The following RDH12 variants were observed in gnomAD, a reference collection of about 807,000 sequenced individuals.
The protein encoded by RDH12 is all-trans and 9-cis retinol dehydrogenase.
Under a neutral mutation model 34.0 loss-of-function variants are expected in RDH12, and 21 were observed. The observed-to-expected ratio is 0.62, with a 90% CI of 0.44 to 0.89. The LOEUF (loss-of-function observed/expected upper bound fraction) is 0.89, where lower values mean the gene tolerates loss of function less well. RDH12 is among the 40% of genes least tolerant of loss of function. The pLI is 0.00. For synonymous variants in RDH12, 198 were observed against 169.9 expected, an observed-to-expected ratio of 1.17 and a Z score of -1.29; for missense variants, 394 against 398.6, an observed-to-expected ratio of 0.99 and a Z score of 0.10.
Position 67,726,134 on chromosome 14 carries a change from C to T in RDH12, c.427C>T (p.His143Tyr), listed in dbSNP as rs879431892. 3 of 1,611,768 alleles carry T rather than the reference C, an allele frequency of 1.9e-6. No individual in the cohort carries two copies. Among genetic ancestry groups the T allele is most frequent in the Non-Finnish European group, 2.5e-6 (3 of 1,177,862 alleles). ...CAAGACAGCTGATGGCTTTGAAACC[C>T]ACCTGGGAGTCAACCACCTGGGTAA... ...YSKTADGFET[H>Y]LGVNHLGHFL... Residue 143 changes from histidine to tyrosine, a missense_variant, in exon 6 of 9, where the codon CAC (histidine) becomes TAC (tyrosine). By Grantham distance (83) the His-to-Tyr change is moderately conservative. Coordinates refer to ENST00000551171, the MANE Select transcript of RDH12 (RefSeq NM_152443.3).
chr14:67,725,169 T>C lies in RDH12; in HGVS notation c.258T>C (p.Asp86=), dbSNP rs548114604. ...GESAASEIRV[D]TKNSQVLVRK... is the part of the protein sequence containing the mutation. ...CTGCTGCCAGTGAAATCCGAGTGGA[T>C]ACAAAGAACTCCCAGGTGCTGGTGC... The change falls in exon 5 of 9, where the codon GAT becomes GAC. Residue 86 remains aspartate, a synonymous_variant. Transcript: ENST00000551171. The C allele has an allele frequency of 6.2e-7, 1 of 1,614,156 alleles. No homozygotes were observed. Among genetic ancestry groups the C allele is most frequent in the African/African-American group, 1.3e-5 (1 of 75,040 alleles).
At position 67,724,506 on chromosome 14, in the gene RDH12, T is replaced by C; in HGVS notation, c.102T>C (p.Asn34=). 4 of 1,612,734 alleles carry C rather than the reference T, an allele frequency of 2.5e-6. No homozygotes were observed. In the South Asian group the frequency reaches 3.3e-5, roughly 13 times the overall value. Residue 34 remains asparagine, a synonymous_variant, in exon 4 of 9, where the codon AAT becomes AAC. Coordinates refer to ENST00000551171, the MANE Select transcript of RDH12 (RefSeq NM_152443.3). ...TTGCTGGTGGAGTGTGTAGAACAAA[T>C]GTGCAGCTTCCTGGCAAGGTAGTGG... ...KFFAGGVCRT[N]VQLPGKVVVI...
chr14:67,726,910 C>T (rs750204850), intron 6 of RDH12, 71 bp from the exon 7 acceptor site: 50 of 1,395,702 alleles, frequency 3.6e-5, no homozygotes, highest in Non-Finnish European at 4.8e-5. Context: ...CACTGAAGTC[C>T]TCTTGGCTCC....
intron 1 of RDH12, among the ~76,000 whole-genome samples, chr14:67,719,859 C>T (rs987530765): frequency 6.6e-6 from 1 of 152,118 alleles, no homozygotes; most frequent in East Asian, 1.9e-4. Flanking sequence ...TGTATACTAT[C>T]TATTATGTGG....
intron 1 of RDH12, chr14:67,706,061 G>C (rs553837386): frequency 7.9e-5 from 12 of 152,238 alleles, no homozygotes; most frequent in African/African-American, 2.6e-4. Flanking sequence ...TGCCAATCAG[G>C]TGTCCACATT....
Position 67,722,529 on chromosome 14 carries a change from G to A in RDH12, c.-114G>A, listed in dbSNP as rs1003356344. ...TGCTCAGCACCCAGGACGGAGAGGA[G>A]CAGAGAAGCAGCAGAAGCAGCCAAG... On this transcript the variant is annotated 5_prime_UTR_variant, in exon 3 of 9. Transcript: ENST00000551171. 4.2e-5 allele frequency: 36 copies of A among 857,880 alleles called. No individual in the cohort carries two copies. In the African/African-American group the frequency reaches 5.8e-4, roughly 14 times the overall value. The allele number at this position is 857,880 out of a possible 1,614,324, so 53.1% of individuals were successfully genotyped here.
chr14:67,729,221 C>T lies in RDH12; in HGVS notation c.689C>T (p.Pro230Leu). The change falls in exon 8 of 9, where the codon CCA becomes CTA. Residue 230 changes from proline to leucine, a missense_variant. Coordinates refer to ENST00000551171, the MANE Select transcript of RDH12 (RefSeq NM_152443.3). The stretch of plus-strand genomic sequence containing the variant: ...GGGGTCACCACCTACGCAGTGCACC[C>T]AGGCGTCGTCCGCTCTGAGCTGGTC... ...GTGVTTYAVH[P>L]GVVRSELVRH... The T allele has an allele frequency of 6.2e-7, 1 of 1,612,120 alleles. No homozygotes were observed. The highest frequency in any genetic ancestry group is 1.3e-5 in the African/African-American group (1 of 75,024).
intron 3 of RDH12, 139 bp downstream of exon 3, chr14:67,722,849 G>A: frequency 2.5e-6 from 2 of 792,118 alleles, no homozygotes; most frequent in South Asian, 1.4e-5. Flanking sequence ...AAGGAAGGGG[G>A]TGTTGTGGAT....
At chr14:67,713,396 C>A in intron 1 of RDH12, among the ~76,000 whole-genome samples, 1 of 30,388 alleles carries the variant, frequency 3.3e-5, no homozygotes, top group African/African-American at 1.2e-4. Context: ...AAGTAAAACT[C>A]CAAAAAAAAA....
intron 1 of RDH12, among the ~76,000 whole-genome samples, chr14:67,717,107 A>G (rs913645160): frequency 6.6e-6 from 1 of 151,652 alleles, no homozygotes; most frequent in Admixed American, 6.6e-5. Context: ...TATATATATC[A>G]TTCATTAACT....
chr14:67,718,841 G>T (rs989085949), intron 1 of RDH12, among the ~76,000 whole-genome samples: 1 of 151,512 alleles, frequency 6.6e-6, no homozygotes, highest in Non-Finnish European at 1.5e-5. Flanking sequence ...AGAATGTCTC[G>T]ATACCAGTTT....
chr14:67,721,670 T>C (rs1053958958), intron 2 of RDH12, among the ~76,000 whole-genome samples: 8 of 151,990 alleles, frequency 5.3e-5, no homozygotes, highest in Non-Finnish European at 1.0e-4. Context: ...CTGACTCTTA[T>C]ATACTGTTTA....
rs967370535 is a variant in RDH12, at chr14:67,725,945, A to G, written c.344-106A>G. The G allele has an allele frequency of 6.0e-6, 5 of 830,276 alleles. No individual in the cohort carries two copies. The African/African-American group carries it at 6.7e-5, about 11-fold the overall frequency. 51.4% of individuals were successfully genotyped at this position (830,276 alleles called of 1,614,324 possible). A position where few individuals can be genotyped will look rare whatever the true frequency, so the allele number is the denominator to read the frequency against. On this transcript the variant is annotated intron_variant, in intron 5 of 8. Coordinates refer to ENST00000551171, the MANE Select transcript of RDH12 (RefSeq NM_152443.3). ...TGACTCCTATCAAAATGTTACCCCA[A>G]CAAAGACAACTAATGAACAAAGGGA...
intron 1 of RDH12, among the ~76,000 whole-genome samples, chr14:67,708,066 G>T (rs1263435095): frequency 6.6e-6 from 1 of 152,182 alleles, no homozygotes; most frequent in Non-Finnish European, 1.5e-5. Context: ...TAGCTGTATT[G>T]TTATAAGTTA....
At chr14:67,728,504 C>A (rs2038219440) in intron 7 of RDH12, among the ~76,000 whole-genome samples, 1 of 152,116 alleles carries the variant, frequency 6.6e-6, no homozygotes, top group African/African-American at 2.4e-5. Flanking sequence ...TGGCCCTGCA[C>A]CCTGCCAGGT....
At chr14:67,711,033 G>T (rs1320815351) in intron 1 of RDH12, among the ~76,000 whole-genome samples, 1 of 152,130 alleles carries the variant, frequency 6.6e-6, no homozygotes, top group East Asian at 1.9e-4. Flanking sequence ...AACTGTCCTT[G>T]TTCATTCCTG....
intron 5 of RDH12, among the ~76,000 whole-genome samples, chr14:67,725,474 A>C (rs2038174785): frequency 6.6e-6 from 1 of 152,198 alleles, no homozygotes; most frequent in African/African-American, 2.4e-5. Context: ...GGAATGTCGG[A>C]GGTGTTAGCT....
intron 7 of RDH12, chr14:67,727,654 G>T: frequency 4.8e-6 from 1 of 206,864 alleles, no homozygotes; most frequent in Non-Finnish European, 9.8e-6. Context: ...GGCTAATTTT[G>T]TATTTTTAGA....
chr14:67,718,124 G>A lies in RDH12; in HGVS notation c.-274-2724G>A, dbSNP rs376318131. On this transcript the variant is annotated intron_variant, in intron 1 of 8. Transcript: ENST00000551171. ...GCTTCCATTTTGGTTTGCTGTTTGG[G>A]GTCAGGGCATGGGAAGAGGCAGCAA... is the stretch of plus-strand genomic sequence containing the variant. Among the ~76,000 whole-genome samples, 46 of 152,250 alleles carry A rather than the reference G, an allele frequency of 3.0e-4. 1 individual carries two copies. Among genetic ancestry groups the A allele is most frequent in the African/African-American group, 1.1e-3 (45 of 41,532 alleles).
Sources: gnomAD v4.1 joint callset for allele counts (sites outside exome capture counted in the v4.1 genomes callset) on GRCh38, gnomAD v4.1.1 for gene constraint, MANE v1.5 for transcripts, NCBI Gene and HGNC (gene_info 2026-07-23, HGNC 2026-07-21) for gene names.